Variants in SHTN1 observed in about 807,000 individuals in gnomAD.
SHTN1 encodes shootin-1.
In SHTN1, 42 loss-of-function variants were observed where a neutral mutation model predicts 83.1. The observed-to-expected ratio is 0.51, with a 90% CI of 0.39 to 0.65. The LOEUF (loss-of-function observed/expected upper bound fraction) is 0.65, where lower values mean the gene tolerates loss of function less well. SHTN1 is among the 30% of genes least tolerant of loss of function. The probability of loss-of-function intolerance (pLI) is 0.00; values close to 1 mark genes in which losing one functional copy is unlikely to be tolerated. For synonymous variants in SHTN1, 224 were observed against 247.7 expected, an observed-to-expected ratio of 0.90 and a Z score of 0.90; for missense variants, 622 against 737.8, an observed-to-expected ratio of 0.84 and a Z score of 1.82.
intron 16 of SHTN1, among the ~76,000 whole-genome samples, chr10:116,898,314 A>G (rs181636459): frequency 6.6e-6 from 1 of 152,060 alleles, no homozygotes; most frequent in African/African-American, 2.4e-5. Flanking sequence ...GGCGACAGCA[A>G]GACTACATCT....
chr10:116,942,720 A>G (rs529839890), intron 8 of SHTN1, among the ~76,000 whole-genome samples: 1 of 152,282 alleles, frequency 6.6e-6, no homozygotes, highest in East Asian at 1.9e-4. Flanking sequence ...CTCCTTTTTA[A>G]TTAAAAATAT....
At chr10:116,919,972 T>G (rs1848497582) in intron 12 of SHTN1, among the ~76,000 whole-genome samples, 1 of 152,148 alleles carries the variant, frequency 6.6e-6, no homozygotes, top group Non-Finnish European at 1.5e-5. Context: ...ATGAAAGCAG[T>G]GGGATGCTGC....
chr10:116,954,000 C>A, intron 5 of SHTN1, 42 bp downstream of exon 5: 1 of 1,518,770 alleles, frequency 6.6e-7, no homozygotes, highest in South Asian at 1.2e-5. Context: ...ACTATCATAA[C>A]GGGGTAAAAA....
At chr10:116,919,877 A>C (rs1848493581) in intron 12 of SHTN1, among the ~76,000 whole-genome samples, 1 of 152,092 alleles carries the variant, frequency 6.6e-6, no homozygotes, top group South Asian at 2.1e-4. Flanking sequence ...TACGAGAGAA[A>C]ATCAGCTTTC....
At chr10:117,102,239 T>G (rs532917935) in intron 1 of SHTN1, among the ~76,000 whole-genome samples, 1 of 152,132 alleles carries the variant, frequency 6.6e-6, no homozygotes, top group Non-Finnish European at 1.5e-5. Context: ...TAATTTTTAA[T>G]AGAACAGTAA....
At chr10:116,901,066 G>C in intron 16 of SHTN1, 1 of 985,380 alleles carries the variant, frequency 1.0e-6, no homozygotes, top group Non-Finnish European at 1.2e-6. Flanking sequence ...ATATTCGGCT[G>C]ATCTGATTTG....
intron 1 of SHTN1, among the ~76,000 whole-genome samples, chr10:117,093,320 G>A (rs1853459876): frequency 6.6e-6 from 1 of 152,034 alleles, no homozygotes; most frequent in Admixed American, 6.6e-5. Flanking sequence ...CTTGTGTTGA[G>A]CACTTCACAA....
At chr10:116,900,942 A>C (rs1847709649) in intron 16 of SHTN1, 2 of 985,354 alleles carry the variant, frequency 2.0e-6, no homozygotes, top group South Asian at 4.7e-5. Context: ...ATTGAATTCC[A>C]ACTTCATTTG....
At chr10:117,078,894 A>G (rs1853206267) in intron 1 of SHTN1, among the ~76,000 whole-genome samples, 3 of 152,114 alleles carry the variant, frequency 2.0e-5, no homozygotes, top group Admixed American at 2.0e-4. Context: ...CTGTGGGCAG[A>G]GTTGTTTATA....
At chr10:117,024,198 A>C (rs888055663) in intron 2 of SHTN1, among the ~76,000 whole-genome samples, 1 of 152,138 alleles carries the variant, frequency 6.6e-6, no homozygotes, top group South Asian at 2.1e-4. Context: ...ACTAACCTAT[A>C]GTAAAAGCAT....
rs567693858 is a variant in SHTN1 at position 116,957,201 on chromosome 10, A to G, written c.267+2935T>C. Among the ~76,000 whole-genome samples, 3 of 102,712 alleles carry G rather than the reference A, an allele frequency of 2.9e-5. No homozygotes were observed. In the South Asian group the frequency reaches 1.0e-3, roughly 35 times the overall value. The allele number at this position is 102,712 out of a possible 152,430, so 67.4% of individuals were successfully genotyped here. ...ATTCATCAAGCTATAGGTTAATTGC[A>G]TGCTACTTGTTGTTTGGAACCCCTC... is the stretch of plus-strand genomic sequence containing the variant. On this transcript the variant is annotated intron_variant, in intron 4 of 16. Transcript: ENST00000355371.
At chr10:117,013,647 C>G (rs1852138817) in intron 2 of SHTN1, among the ~76,000 whole-genome samples, 1 of 152,062 alleles carries the variant, frequency 6.6e-6, no homozygotes, top group South Asian at 2.1e-4. Flanking sequence ...CAACAGTAAC[C>G]CTCTTTAATT....
At chr10:116,979,941 T>C (rs1346546211) in intron 1 of SHTN1, among the ~76,000 whole-genome samples, 2 of 152,274 alleles carry the variant, frequency 1.3e-5, no homozygotes, top group Admixed American at 6.5e-5. Flanking sequence ...TCAGACAAGA[T>C]TGTCAGTCAC....
chr10:116,922,517 T>C (rs964934112), intron 11 of SHTN1, among the ~76,000 whole-genome samples: 1 of 152,174 alleles, frequency 6.6e-6, no homozygotes, highest in Non-Finnish European at 1.5e-5. Context: ...AGAATGTTCA[T>C]GAAGAATTTC....
chr10:117,109,195 T>G (rs1853723355), intron 1 of SHTN1, among the ~76,000 whole-genome samples: 1 of 152,170 alleles, frequency 6.6e-6, no homozygotes, highest in Non-Finnish European at 1.5e-5. Flanking sequence ...CTGATATAAT[T>G]AGTCTGAGGC....
chr10:117,018,773 A>G (rs1008423545), intron 2 of SHTN1, among the ~76,000 whole-genome samples: 1 of 151,930 alleles, frequency 6.6e-6, no homozygotes, highest in Non-Finnish European at 1.5e-5. Context: ...GGTTTTCACC[A>G]TGTTGGCCAG....
intron 14 of SHTN1, among the ~76,000 whole-genome samples, chr10:116,907,217 G>C (rs1440117456): frequency 6.6e-6 from 1 of 152,176 alleles, no homozygotes; most frequent in Non-Finnish European, 1.5e-5. Flanking sequence ...CTGCACACCT[G>C]ATGTCCGTGG....
intron 1 of SHTN1, among the ~76,000 whole-genome samples, chr10:117,073,145 C>T (rs1185167917): frequency 6.6e-6 from 1 of 152,052 alleles, no homozygotes; most frequent in Non-Finnish European, 1.5e-5. Flanking sequence ...TTCGAATTAA[C>T]CCAATCCAAC....
At position 116,883,263 on chromosome 10, in the gene SHTN1, CTT is replaced by C. The variant is rs1055532615; in HGVS notation, c.*3079_*3080del. On this transcript the variant is annotated 3_prime_UTR_variant, in exon 17 of 17. Coordinates refer to ENST00000355371, the MANE Select transcript of SHTN1 (RefSeq NM_001127211.3). ...CTCTTTCTACTTATACTTTCTCTCT[CTT>C]GTGTTATATAACATTTAATATGAAA... is the stretch of plus-strand genomic sequence containing the variant. 3 of 152,096 alleles carry C rather than the reference CTT, an allele frequency of 2.0e-5. No individual in the cohort carries two copies. The highest frequency in any genetic ancestry group is 6.5e-5 in the Admixed American group (1 of 15,280). The allele number at this position is 152,096 out of a possible 1,614,324, so 9.4% of individuals were successfully genotyped here. A position where few individuals can be genotyped will look rare whatever the true frequency, so the allele number is the denominator to read the frequency against.
Sources: gnomAD v4.1 joint callset for allele counts (sites outside exome capture counted in the v4.1 genomes callset) on GRCh38, gnomAD v4.1.1 for gene constraint, MANE v1.5 for transcripts, NCBI Gene and HGNC (gene_info 2026-07-23, HGNC 2026-07-21) for gene names.